Variants in LINGO2 observed in about 807,000 individuals in gnomAD.
LINGO2 encodes leucine rich repeat and Ig domain containing 2, also known as leucine-rich repeat and immunoglobulin-like domain-containing nogo receptor-interacting protein 2.
LINGO2 carries 14 observed loss-of-function variants against 30.6 expected under a neutral mutation model. The ratio of observed to expected loss-of-function variants is 0.46; its 90% CI spans 0.30 to 0.72. The LOEUF (loss-of-function observed/expected upper bound fraction) is 0.72, where lower values mean the gene tolerates loss of function less well. Ranked by LOEUF, LINGO2 falls within the 30% of genes least tolerant of loss-of-function variation. The pLI is 0.07. For missense variants in LINGO2, 729 were observed against 751.7 expected, an observed-to-expected ratio of 0.97 and a Z score of 0.35; for synonymous variants, 317 against 288.5, an observed-to-expected ratio of 1.10 and a Z score of -1.00.
intron 4 of LINGO2, among the ~76,000 whole-genome samples, chr9:28,073,166 A>G (rs1436835511): frequency 6.6e-6 from 1 of 152,026 alleles, no homozygotes; most frequent in Non-Finnish European, 1.5e-5. Context: ...GGCTTCTGTA[A>G]GGCTTACCAG....
At chr9:29,019,059 T>C in the LINGO2 span, among the ~76,000 whole-genome samples, 3 of 152,174 alleles carry the variant, frequency 2.0e-5, no homozygotes, top group African/African-American at 7.2e-5. Context: ...ATATAAAATA[T>C]ATATGTGTAT....
the LINGO2 span, among the ~76,000 whole-genome samples, chr9:28,791,919 G>GA: frequency 6.6e-6 from 1 of 151,270 alleles, no homozygotes; most frequent in Non-Finnish European, 1.5e-5. Context: ...ATATATTACA[G>GA]AAAAATATAT....
At chr9:28,686,573 T>C in the LINGO2 span, among the ~76,000 whole-genome samples, 1 of 152,040 alleles carries the variant, frequency 6.6e-6, no homozygotes, top group Non-Finnish European at 1.5e-5. Flanking sequence ...ACTACGTAGA[T>C]ATATAAATGG....
At chr9:29,210,590 T>C in the LINGO2 span, among the ~76,000 whole-genome samples, 1 of 152,124 alleles carries the variant, frequency 6.6e-6, no homozygotes, top group East Asian at 1.9e-4. Flanking sequence ...TCCACTATAA[T>C]ACATGAATGA....
At chr9:29,101,988 A>G in the LINGO2 span, among the ~76,000 whole-genome samples, 1 of 152,192 alleles carries the variant, frequency 6.6e-6, no homozygotes, top group African/African-American at 2.4e-5. Flanking sequence ...ACCAGCTTCC[A>G]TAGTGCTTTA....
At chr9:28,967,836 G>A in the LINGO2 span, among the ~76,000 whole-genome samples, 1 of 152,170 alleles carries the variant, frequency 6.6e-6, no homozygotes, top group African/African-American at 2.4e-5. Flanking sequence ...CTAGCAGAGA[G>A]CGAGAAAGAG....
At chr9:28,174,630 G>A (rs1450470220) in intron 4 of LINGO2, among the ~76,000 whole-genome samples, 1 of 152,064 alleles carries the variant, frequency 6.6e-6, no homozygotes, top group Non-Finnish European at 1.5e-5. Context: ...TCTATATTTT[G>A]CATGATTTTC....
the LINGO2 span, among the ~76,000 whole-genome samples, chr9:29,013,740 TA>T: frequency 6.6e-6 from 1 of 152,186 alleles, no homozygotes; most frequent in African/African-American, 2.4e-5. Flanking sequence ...TATGCTTAAA[TA>T]AATCTCATTC....
the LINGO2 span, among the ~76,000 whole-genome samples, chr9:28,781,356 A>T: frequency 1.3e-5 from 2 of 152,156 alleles, no homozygotes; most frequent in East Asian, 3.9e-4. Flanking sequence ...TATGCATTCA[A>T]ATCATAAGAT....
the LINGO2 span, among the ~76,000 whole-genome samples, chr9:28,725,570 GA>G: frequency 4.0e-3 from 343 of 85,660 alleles, no homozygotes; most frequent in Middle Eastern, 6.1e-3. Context: ...GGAATAAAAA[GA>G]AAAAAAAAAA....
intron 5 of LINGO2, among the ~76,000 whole-genome samples, chr9:27,976,436 C>T (rs1279301480): frequency 6.6e-6 from 1 of 151,842 alleles, no homozygotes; most frequent in Non-Finnish European, 1.5e-5. Context: ...TTTTTGAGAC[C>T]AAATGGTCTG....
chr9:28,598,421 AAAAAAAAAAAAAAC>A (rs1267039517), intron 1 of LINGO2, among the ~76,000 whole-genome samples: 1 of 136,954 alleles, frequency 7.3e-6, no homozygotes, highest in Admixed American at 7.8e-5. Context: ...TCCATATCAA[AAAAAAAAAAAAAAC>A]AAAACAAACA....
chr9:28,330,977 T>C (rs1025239139), intron 3 of LINGO2, among the ~76,000 whole-genome samples: 1 of 152,180 alleles, frequency 6.6e-6, no homozygotes, highest in African/African-American at 2.4e-5. Flanking sequence ...TATTTCTTAA[T>C]GGTTATAAAC....
At chr9:28,507,210 G>C (rs1017768332) in intron 1 of LINGO2, among the ~76,000 whole-genome samples, 1 of 51,000 alleles carries the variant, frequency 2.0e-5, no homozygotes, top group African/African-American at 7.5e-5. Context: ...GCATTTCAGA[G>C]GAGTGTGTGT....
intron 4 of LINGO2, among the ~76,000 whole-genome samples, chr9:28,194,054 C>T (rs1192548983): frequency 6.6e-6 from 1 of 152,096 alleles, no homozygotes; most frequent in Non-Finnish European, 1.5e-5. Context: ...TTGGTCAAGG[C>T]AGTCACAAAT....
intron 4 of LINGO2, among the ~76,000 whole-genome samples, chr9:28,121,934 C>A (rs1235631974): frequency 2.0e-5 from 3 of 151,980 alleles, no homozygotes; most frequent in Admixed American, 6.6e-5. Flanking sequence ...TTTTAAATTC[C>A]TAGGAATTGA....
chr9:28,702,671 C>T, the LINGO2 span, among the ~76,000 whole-genome samples: 2 of 151,918 alleles, frequency 1.3e-5, no homozygotes, highest in African/African-American at 4.8e-5. Flanking sequence ...GAAAGTATTT[C>T]CTTCACTTTT....
intron 4 of LINGO2, among the ~76,000 whole-genome samples, chr9:28,162,586 C>T (rs1405629625): frequency 6.6e-6 from 1 of 152,168 alleles, no homozygotes; most frequent in African/African-American, 2.4e-5. Context: ...AGCTATTCTA[C>T]TACATTGATA....
chr9:29,066,686 G>A, the LINGO2 span, among the ~76,000 whole-genome samples: 1 of 151,904 alleles, frequency 6.6e-6, no homozygotes, highest in Non-Finnish European at 1.5e-5. Flanking sequence ...GAGAATGAAA[G>A]TGTCAGGGAA....
Sources: gnomAD v4.1 joint callset for allele counts (sites outside exome capture counted in the v4.1 genomes callset) on GRCh38, gnomAD v4.1.1 for gene constraint, MANE v1.5 for transcripts, NCBI Gene and HGNC (gene_info 2026-07-23, HGNC 2026-07-21) for gene names.